Variants in SERGEF observed in about 807,000 individuals in gnomAD.
SERGEF encodes secretion regulating guanine nucleotide exchange factor.
A neutral mutation model predicts 50.0 loss-of-function variants in SERGEF; 51 were observed. The ratio of observed to expected loss-of-function variants is 1.02; its 90% CI spans 0.81 to 1.29. The LOEUF (loss-of-function observed/expected upper bound fraction) is 1.29. SERGEF is among the 50% of genes most tolerant of loss of function. The pLI is 0.00. For missense variants in SERGEF, 521 were observed against 557.0 expected, an observed-to-expected ratio of 0.94 and a Z score of 0.65; for synonymous variants, 205 against 212.4, an observed-to-expected ratio of 0.97 and a Z score of 0.30.
At chr11:17,941,884 G>C (rs1354069594) in intron 9 of SERGEF, among the ~76,000 whole-genome samples, 1 of 152,232 alleles carries the variant, frequency 6.6e-6, no homozygotes, top group South Asian at 2.1e-4. Flanking sequence ...AATGATTAGG[G>C]ATGTTGAGCA....
Position 17,981,717 on chromosome 11 carries a change from C to T in SERGEF, c.844+6880G>A, listed in dbSNP as rs112308706. On this transcript the variant is annotated intron_variant, in intron 8 of 10. Transcript: ENST00000265965. ...CCCTCGCTTCTCAGGAACCATTTCC[C>T]AGTTTCTACTCCACACACATATCCT... is the stretch of plus-strand genomic sequence containing the variant. Among the ~76,000 whole-genome samples, 409 of 152,312 alleles carry T rather than the reference C, an allele frequency of 2.7e-3. 3 individuals are homozygous for T. Among genetic ancestry groups the T allele is most frequent in the African/African-American group, 9.4e-3 (390 of 41,558 alleles).
chr11:17,919,469 A>C (rs1179733628), intron 9 of SERGEF, among the ~76,000 whole-genome samples: 2 of 152,200 alleles, frequency 1.3e-5, no homozygotes, highest in African/African-American at 2.4e-5. Context: ...AGAACACAGT[A>C]AGTGATTGGC....
At chr11:17,963,722 T>C (rs751667442) in intron 8 of SERGEF, among the ~76,000 whole-genome samples, 34 of 152,338 alleles carry the variant, frequency 2.2e-4, no homozygotes, top group Non-Finnish European at 4.3e-4. Context: ...ATCACCGATA[T>C]ATGTACATTA....
At chr11:17,973,466 G>T (rs1853296708) in intron 8 of SERGEF, among the ~76,000 whole-genome samples, 1 of 152,192 alleles carries the variant, frequency 6.6e-6, no homozygotes, top group Non-Finnish European at 1.5e-5. Context: ...GGGGAAATGG[G>T]AAGCTCAGAT....
At chr11:17,989,777 T>C (rs1201921376) in intron 7 of SERGEF, among the ~76,000 whole-genome samples, 3 of 152,184 alleles carry the variant, frequency 2.0e-5, no homozygotes, top group African/African-American at 7.2e-5. Flanking sequence ...ACATTGTAAG[T>C]GAAATGCTAC....
At chr11:17,901,120 A>G (rs1590186579) in intron 9 of SERGEF, among the ~76,000 whole-genome samples, 1 of 150,624 alleles carries the variant, frequency 6.6e-6, no homozygotes, top group Non-Finnish European at 1.5e-5. Flanking sequence ...CCTCAGAATC[A>G]CCTCCTCCTC....
chr11:17,985,792 C>T (rs1853582530), intron 8 of SERGEF, among the ~76,000 whole-genome samples: 1 of 152,208 alleles, frequency 6.6e-6, no homozygotes. Context: ...TAAAGTTATT[C>T]TGATACCATG....
At chr11:17,824,308 A>G (rs918399825) in intron 10 of SERGEF, among the ~76,000 whole-genome samples, 4 of 152,138 alleles carry the variant, frequency 2.6e-5, no homozygotes, top group African/African-American at 7.2e-5. Flanking sequence ...CTCAAAAAAA[A>G]AAAAAAGGCC....
chr11:17,966,157 A>AT (rs3216311), intron 8 of SERGEF, among the ~76,000 whole-genome samples: 22 of 150,850 alleles, frequency 1.5e-4, no homozygotes, highest in Non-Finnish European at 2.1e-4. Context: ...TGGAATTTTG[A>AT]TTTTTTTTTT....
At chr11:17,793,602 T>G (rs1849522625) in intron 10 of SERGEF, among the ~76,000 whole-genome samples, 1 of 152,228 alleles carries the variant, frequency 6.6e-6, no homozygotes, top group Admixed American at 6.5e-5. Flanking sequence ...ACATGGAACG[T>G]CCAGTTTTCA....
chr11:17,987,339 T>C (rs939228766), intron 8 of SERGEF, among the ~76,000 whole-genome samples: 6 of 152,344 alleles, frequency 3.9e-5, no homozygotes, highest in Non-Finnish European at 7.3e-5. Context: ...TGAGCAAGAC[T>C]AATCTGGTGG....
intron 9 of SERGEF, among the ~76,000 whole-genome samples, chr11:17,947,191 A>G (rs184952264): frequency 3.3e-4 from 50 of 152,330 alleles, no homozygotes; most frequent in Admixed American, 2.7e-3. Context: ...GTCATGCACT[A>G]AAGTTACAGC....
chr11:17,932,938 G>C (rs934531102), intron 9 of SERGEF, among the ~76,000 whole-genome samples: 8 of 152,078 alleles, frequency 5.3e-5, no homozygotes, highest in Admixed American at 1.3e-4. Context: ...TGATGATAAA[G>C]GCTATACTGA....
At chr11:17,977,511 C>A (rs907449430) in intron 8 of SERGEF, among the ~76,000 whole-genome samples, 6 of 152,174 alleles carry the variant, frequency 3.9e-5, no homozygotes, top group African/African-American at 1.4e-4. Flanking sequence ...CTTCAAAGGC[C>A]TCCTCCCTCT....
intron 9 of SERGEF, among the ~76,000 whole-genome samples, chr11:17,924,658 G>C (rs1370244564): frequency 6.7e-6 from 1 of 149,100 alleles, no homozygotes; most frequent in Non-Finnish European, 1.5e-5. Flanking sequence ...GGTGCGGGGG[G>C]TGATTTGGGT....
At chr11:17,918,827 A>G in intron 9 of SERGEF, 1 of 394,080 alleles carries the variant, frequency 2.5e-6, no homozygotes, top group Non-Finnish European at 5.0e-6. Context: ...CTCCTGGCAA[A>G]GGGAAGAGTG....
intron 10 of SERGEF, among the ~76,000 whole-genome samples, chr11:17,876,277 C>G (rs1156314295): frequency 1.3e-5 from 2 of 152,202 alleles, no homozygotes; most frequent in Admixed American, 1.3e-4. Flanking sequence ...TGGAAAATAA[C>G]AGGTCTGTCC....
chr11:18,005,430 G>C (rs1055671491), intron 3 of SERGEF, among the ~76,000 whole-genome samples: 8 of 152,152 alleles, frequency 5.3e-5, no homozygotes, highest in Admixed American at 4.6e-4. Flanking sequence ...ATACTGCTTG[G>C]TATGACCAGA....
Position 17,976,720 on chromosome 11 carries a change from C to T in SERGEF, c.844+11877G>A, listed in dbSNP as rs1329178271. 4.6e-5 allele frequency among the ~76,000 whole-genome samples: 7 copies of T among 152,178 alleles called. No homozygotes were observed. In the South Asian group the frequency reaches 1.2e-3, roughly 27 times the overall value. ...AAAATTACAGGCCAGTAACTAAATGCTTACTTTTAGAGAGCTCCTGGAACA... is the reference window on the plus strand; with the variant it reads ...AAAATTACAGGCCAGTAACTAAATGTTTACTTTTAGAGAGCTCCTGGAACA... On this transcript the variant is annotated intron_variant, in intron 8 of 10. Coordinates refer to ENST00000265965, the MANE Select transcript of SERGEF (RefSeq NM_012139.4).
Sources: allele counts gnomAD v4.1 joint callset (sites outside exome capture counted in the v4.1 genomes callset), GRCh38; gene constraint gnomAD v4.1.1; transcripts MANE v1.5; gene names NCBI Gene and HGNC (gene_info 2026-07-23, HGNC 2026-07-21).